The following ZNF26 variants were observed in gnomAD, a reference collection of about 807,000 sequenced individuals.
ZNF26 encodes the protein zinc finger protein 26.
A neutral mutation model predicts 54.9 loss-of-function variants in ZNF26; 32 were observed. The observed-to-expected ratio is 0.58, with a 90% CI of 0.44 to 0.78. The LOEUF is 0.78. Among genes scored for constraint, ZNF26 ranks in the 30% least tolerant of loss-of-function variants. The pLI is 0.00. For missense variants in ZNF26, 524 were observed against 634.0 expected, an observed-to-expected ratio of 0.83 and a Z score of 1.86; for synonymous variants, 221 against 209.2, an observed-to-expected ratio of 1.06 and a Z score of -0.49.
chr12:133,007,686 A>T (rs1020095014), intron 3 of ZNF26, among the ~76,000 whole-genome samples, 154 bp downstream of exon 3: 19 of 152,244 alleles, frequency 1.2e-4, no homozygotes, highest in Middle Eastern at 6.8e-3. Context: ...TCCTCAGATA[A>T]GGACATCGCC....
In ZNF26 at chr12:133,001,379, C is replaced by T. The variant is rs751837416; in HGVS notation, c.34-5663C>T. The stretch of plus-strand genomic sequence containing the variant: ...CTTGTCTGTATTCCCACTTCATTTA[C>T]TTGTTGCCCTCCGACGGGGGCTCCT... On this transcript the variant is annotated intron_variant, in intron 1 of 3. Transcript: ENST00000328654. The surrounding 1 kb of genome is among the most constrained non-coding windows in gnomAD (Gnocchi z 4.7). Among the ~76,000 whole-genome samples, 1 of 152,184 alleles carries T rather than the reference C, an allele frequency of 6.6e-6. No individual in the cohort carries two copies. Among genetic ancestry groups the T allele is most frequent in the Non-Finnish European group, 1.5e-5 (1 of 68,040 alleles).
At position 133,020,069 on chromosome 12, in the gene ZNF26, C is replaced by T. The variant is rs1261917805; in HGVS notation, c.*8588C>T. The T allele has an allele frequency of 6.6e-6, 1 of 150,852 alleles. No homozygotes were observed. Among genetic ancestry groups the T allele is most frequent in the Non-Finnish European group, 1.5e-5 (1 of 67,906 alleles). The allele number at this position is 150,852 out of a possible 1,614,324, so 9.3% of individuals were successfully genotyped here. A position where few individuals can be genotyped will look rare whatever the true frequency, so the allele number is the denominator to read the frequency against. On this transcript the variant is annotated 3_prime_UTR_variant, in exon 4 of 4. Coordinates refer to ENST00000328654, the MANE Select transcript of ZNF26 (RefSeq NM_019591.4). Reference sequence around the variant, plus strand: ...TGAGATTGAACTGCTGCCCTCCAGCCTGGGCGACAGAGTAAAGCTCCATCT... The same window carrying T: ...TGAGATTGAACTGCTGCCCTCCAGCTTGGGCGACAGAGTAAAGCTCCATCT...
chr12:133,001,443 GAC>G lies in ZNF26; in HGVS notation c.34-5595_34-5594del, dbSNP rs1389298504. Among the ~76,000 whole-genome samples, 17 of 152,334 alleles carry G rather than the reference GAC, an allele frequency of 1.1e-4. No homozygotes were observed. In the East Asian group the frequency reaches 1.5e-3, roughly 14 times the overall value. On this transcript the variant is annotated intron_variant, in intron 1 of 3. Coordinates refer to ENST00000328654, the MANE Select transcript of ZNF26 (RefSeq NM_019591.4). This position sits in a 1 kb window ranked among gnomAD's most constrained non-coding sequence, Gnocchi z 4.7. ...GGGAAAATCAGTGGTTAGAGAAAAA[GAC>G]ACAGAGTCTCCTGTTGTGCGGTGGT...
At chr12:132,997,738 A>AT (rs1953120027) in intron 1 of ZNF26, among the ~76,000 whole-genome samples, 1 of 152,244 alleles carries the variant, frequency 6.6e-6, no homozygotes, top group Non-Finnish European at 1.5e-5. Flanking sequence ...AAGTAAAACA[A>AT]TGAGAGATAC....
chr12:133,019,003 A>G lies in ZNF26; in HGVS notation c.*7522A>G, dbSNP rs900594165. On this transcript the variant is annotated 3_prime_UTR_variant, in exon 4 of 4. Transcript: ENST00000328654. Reference sequence around the variant, plus strand: ...AGAAGACATACATACATACTCAAAGATACAATTGGATTAGAAGTAAAGGAT... The same window carrying G: ...AGAAGACATACATACATACTCAAAGGTACAATTGGATTAGAAGTAAAGGAT... 3 of 152,364 alleles carry G rather than the reference A, an allele frequency of 2.0e-5. No homozygotes were observed. Among genetic ancestry groups the G allele is most frequent in the East Asian group, 1.9e-4 (1 of 5,194 alleles). The allele number at this position is 152,364 out of a possible 1,614,324, so 9.4% of individuals were successfully genotyped here.
chr12:132,994,623 A>G (rs1367412403), intron 1 of ZNF26, among the ~76,000 whole-genome samples: 2 of 152,116 alleles, frequency 1.3e-5, no homozygotes, highest in Non-Finnish European at 2.9e-5. Flanking sequence ...TATTTTTGTG[A>G]AGTTGTATGA....
chr12:133,010,287 AC>A lies in ZNF26; in HGVS notation c.409del (p.Gln137LysfsTer10). On this transcript the variant is annotated frameshift_variant, in exon 4 of 4. Coordinates refer to ENST00000328654, the MANE Select transcript of ZNF26 (RefSeq NM_019591.4). LOFTEE classifies it high-confidence loss of function. The part of the protein sequence containing the change: ...LYNTRGKSLT[Q>X]NSAPSRSYLR... The stretch of plus-strand genomic sequence containing the variant: ...ATAACACACGTGGAAAAAGTTTGAC[AC>A]AAAACTCAGCTCCAAGCAGAAGTTA... The A allele has an allele frequency of 1.2e-6, 2 of 1,614,084 alleles. No homozygotes were observed. The highest frequency in any genetic ancestry group is 1.7e-6 in the Non-Finnish European group (2 of 1,180,024).
intron 1 of ZNF26, chr12:132,987,773 G>A (rs1952855765): frequency 1.0e-6 from 1 of 979,856 alleles, no homozygotes; most frequent in Non-Finnish European, 1.2e-6. Flanking sequence ...ACCGAGGTGA[G>A]GACTCAGGTT....
chr12:132,994,303 G>A (rs12422489), intron 1 of ZNF26, among the ~76,000 whole-genome samples: 17,451 of 152,192 alleles, frequency 0.11, 1,139 homozygotes, highest in South Asian at 0.21. Context: ...TGGGGACAGT[G>A]GTTTGTTTGC....
chr12:133,008,906 T>C (rs1953403215), intron 3 of ZNF26, among the ~76,000 whole-genome samples: 1 of 151,968 alleles, frequency 6.6e-6, no homozygotes, highest in South Asian at 2.1e-4. Flanking sequence ...CTCAGGTAGC[T>C]CCGGTCATAG....
Position 133,010,432 on chromosome 12 carries a change from T to A in ZNF26, c.553T>A (p.Cys185Ser), listed in dbSNP as rs1056437007. ...TAGTGAATGTGGGAAAGCTTTTCGT[T>A]GTAAGTCACAGCTCATTGTACATCT... ...VCSECGKAFR[C>S]KSQLIVHLRI... is the part of the protein sequence containing the mutation. The change falls in exon 4 of 4, where the codon TGT becomes AGT. Residue 185 changes from cysteine to serine, a missense_variant. Coordinates refer to ENST00000328654, the MANE Select transcript of ZNF26 (RefSeq NM_019591.4). 3 of 1,613,524 alleles carry A rather than the reference T, an allele frequency of 1.9e-6. No homozygotes were observed. The highest frequency in any genetic ancestry group is 3.3e-5 in the Admixed American group (2 of 59,958).
At chr12:132,987,433 C>T (rs1952848602) in intron 1 of ZNF26, among the ~76,000 whole-genome samples, 1 of 152,088 alleles carries the variant, frequency 6.6e-6, no homozygotes, top group African/African-American at 2.4e-5. Context: ...AGGTAAGGGG[C>T]GGGCCAGTGG....
In ZNF26 at chr12:133,001,750, G is replaced by A. The variant is rs911684817; in HGVS notation, c.34-5292G>A. On this transcript the variant is annotated intron_variant, in intron 1 of 3. Transcript: ENST00000328654. The surrounding 1 kb of genome is among the most constrained non-coding windows in gnomAD (Gnocchi z 4.7). ...GCCTGAGGTGAGCCGCAGGGAGGCG[G>A]GGCCCTGTTTGAGGTGAGCTGCTGA... is the stretch of plus-strand genomic sequence containing the variant. The A allele has an allele frequency of 1.0e-4, 131 of 1,282,172 alleles. No homozygotes were observed. The Admixed American group carries it at 2.9e-3, about 29-fold the overall frequency. The allele number at this position is 1,282,172 out of a possible 1,614,324, so 79.4% of individuals were successfully genotyped here.
chr12:132,997,522 G>C (rs1953113930), intron 1 of ZNF26, among the ~76,000 whole-genome samples: 1 of 152,126 alleles, frequency 6.6e-6, no homozygotes, highest in Admixed American at 6.5e-5. Flanking sequence ...AGTTGCTTTG[G>C]CCTTCACACT....
At chr12:132,991,647 T>TA (rs75476927) in intron 1 of ZNF26, among the ~76,000 whole-genome samples, 134,042 of 149,556 alleles carry the variant, frequency 0.9, 60,761 homozygotes, top group East Asian at 1. Flanking sequence ...AAAAAAAACC[T>TA]AAAAAAAAAA....
chr12:133,000,626 A>C (rs762301846), intron 1 of ZNF26, among the ~76,000 whole-genome samples: 21 of 152,062 alleles, frequency 1.4e-4, no homozygotes, highest in Middle Eastern at 3.4e-3. Context: ...GGGTTTCACC[A>C]TGTTAGCCAG....
Position 132,986,874 on chromosome 12 carries a change from G to GT in ZNF26, c.33+2dup. On this transcript the variant is annotated splice_donor_variant, in intron 1 of 3. Coordinates refer to ENST00000328654, the MANE Select transcript of ZNF26 (RefSeq NM_019591.4). LOFTEE classifies it high-confidence loss of function. ...CAGTTTCCGGACAGCTTCGTGCTGGGTAAGTAGAGACTTTCCGTGTTTAAA... is the reference window on the plus strand; with the variant it reads ...CAGTTTCCGGACAGCTTCGTGCTGGGTTAAGTAGAGACTTTCCGTGTTTAAA... The GT allele has an allele frequency of 6.2e-7, 1 of 1,606,384 alleles. No individual in the cohort carries two copies. The highest frequency in any genetic ancestry group is 8.5e-7 in the Non-Finnish European group (1 of 1,176,490).
At position 132,989,085 on chromosome 12, in the gene ZNF26, G is replaced by T. The variant is rs796766680; in HGVS notation, c.33+2212G>T. 8.8e-4 allele frequency among the ~76,000 whole-genome samples: 112 copies of T among 127,654 alleles called. 1 individual carries two copies. The highest frequency in any genetic ancestry group is 3.1e-3 in the African/African-American group (106 of 33,882). The allele number at this position is 127,654 out of a possible 152,430, so 83.7% of individuals were successfully genotyped here. A position where few individuals can be genotyped will look rare whatever the true frequency, so the allele number is the denominator to read the frequency against. ...ACAGAGTCTCGCTGTTGGCCAGGCT[G>T]GAGTGCAGTGGCACAATCTCGGCTC... On this transcript the variant is annotated intron_variant, in intron 1 of 3. Transcript: ENST00000328654.
intron 1 of ZNF26, among the ~76,000 whole-genome samples, chr12:132,992,014 G>A (rs1952973865): frequency 6.6e-6 from 1 of 151,946 alleles, no homozygotes; most frequent in Non-Finnish European, 1.5e-5. Flanking sequence ...TGGGCATGGT[G>A]GTGCGTGCCT....
Sources: allele counts gnomAD v4.1 joint callset (sites outside exome capture counted in the v4.1 genomes callset), GRCh38; gene constraint gnomAD v4.1.1; non-coding constraint Gnocchi (gnomAD v3.1); transcripts MANE v1.5; gene names NCBI Gene and HGNC (gene_info 2026-07-23, HGNC 2026-07-21).